Variants in FEZF1 observed in about 807,000 individuals in gnomAD.
FEZF1 encodes fez family zinc finger protein 1.
A neutral mutation model predicts 32.4 loss-of-function variants in FEZF1; 8 were observed. The ratio of observed to expected loss-of-function variants is 0.25; its 90% confidence interval spans 0.15 to 0.45. The LOEUF is 0.45. Ranked by LOEUF, FEZF1 falls within the 20% of genes least tolerant of loss-of-function variation. FEZF1 has a pLI of 1.00. For synonymous variants in FEZF1, 259 were observed against 265.2 expected, an observed-to-expected ratio of 0.98 and a Z score of 0.23; for missense variants, 546 against 622.3, an observed-to-expected ratio of 0.88 and a Z score of 1.31.
In FEZF1 at chr7:122,301,773, A is replaced by T; in HGVS notation, c.*224T>A. On this transcript the variant is annotated 3_prime_UTR_variant, in exon 4 of 4. Coordinates refer to ENST00000442488, the MANE Select transcript of FEZF1 (RefSeq NM_001024613.4). ...ACAGAAAACAAGCAAAACCCTCCAA[A>T]TTTTTCATAATTGTTAGTGCCTATA... 1 of 450,168 alleles carries T rather than the reference A, an allele frequency of 2.2e-6. No homozygotes were observed. The highest frequency in any genetic ancestry group is 3.7e-6 in the Non-Finnish European group (1 of 266,910). 27.9% of individuals were successfully genotyped at this position (450,168 alleles called of 1,614,324 possible).
intron 1 of FEZF1, 137 bp downstream of exon 1, chr7:122,303,500 A>C: frequency 2.1e-6 from 1 of 475,936 alleles, no homozygotes. Flanking sequence ...GAAGGAAGGA[A>C]GGAAGGAAGG....
rs2031213067 is a variant in FEZF1 at position 122,304,664 on chromosome 7, T to C, written c.-227A>G. 2 of 441,094 alleles carry C rather than the reference T, an allele frequency of 4.5e-6. No individual in the cohort carries two copies. Among genetic ancestry groups the C allele is most frequent in the Non-Finnish European group, 8.2e-6 (2 of 242,992 alleles). 27.3% of individuals were successfully genotyped at this position (441,094 alleles called of 1,614,324 possible). On this transcript the variant is annotated 5_prime_UTR_variant, in exon 1 of 4. Coordinates refer to ENST00000442488, the MANE Select transcript of FEZF1 (RefSeq NM_001024613.4). ...GCACCAATGACTCGGGGACAATCAC[T>C]ACTTATTTCTATCAATAGAAAGTGT... is the stretch of plus-strand genomic sequence containing the variant.
At chr7:122,303,588 A>AGGAC (rs752212523) in intron 1 of FEZF1, 49 bp downstream of exon 1, 5 of 1,057,824 alleles carry the variant, frequency 4.7e-6, no homozygotes, top group Non-Finnish European at 5.6e-6. Flanking sequence ...GAAGGAAGGA[A>AGGAC]GGAAGGAAGG....
chr7:122,303,576 G>GGGAAGGAA (rs533231026), intron 1 of FEZF1, 61 bp downstream of exon 1: 20 of 1,057,288 alleles, frequency 1.9e-5, no homozygotes, highest in Admixed American at 5.9e-5. Flanking sequence ...GAGGGAGGGA[G>GGGAAGGAA]GGAAGGAAGG....
In FEZF1 at chr7:122,302,246, G is replaced by C. The variant is rs749621589; in HGVS notation, c.1179C>G (p.Thr393=). 39 of 1,614,042 alleles carry C rather than the reference G, an allele frequency of 2.4e-5. No individual in the cohort carries two copies. The East Asian group carries it at 8.5e-4, about 35-fold the overall frequency. The change falls in exon 4 of 4, where the codon ACC becomes ACG. Residue 393 remains threonine (T), a synonymous_variant. Coordinates refer to ENST00000442488, the MANE Select transcript of FEZF1 (RefSeq NM_001024613.4). The surrounding 1 kb of genome is among the most constrained non-coding windows in gnomAD (Gnocchi z 4.4). ...QVYNLTFHMH[T]HNDKKPFTCP... is the part of the protein sequence containing the mutation. ...AGGTGAAAGGCTTCTTGTCGTTGTG[G>C]GTGTGCATGTGGAAGGTGAGGTTGT...
At position 122,302,313 on chromosome 7, in the gene FEZF1, T is replaced by C. The variant is rs759035115; in HGVS notation, c.1112A>G (p.Gln371Arg). 2 of 1,614,122 alleles carry C rather than the reference T, an allele frequency of 1.2e-6. No individual in the cohort carries two copies. Among genetic ancestry groups the C allele is most frequent in the Non-Finnish European group, 1.7e-6 (2 of 1,180,024 alleles). The stretch of plus-strand genomic sequence containing the variant: ...CTTGTTGCAGATATTGCACTTGAAC[T>C]GCTTCTCCCCGCTGTGGGTCAACTT... ...NHKLTHSGEKQFKCNICNKAF... is the reference protein window; with the variant it reads ...NHKLTHSGEKRFKCNICNKAF... Residue 371 changes from glutamine to arginine, a missense_variant, in exon 4 of 4, where the codon CAG becomes CGG. Gln to Arg is a conservative substitution (Grantham distance 43). Transcript: ENST00000442488. This position sits in a 1 kb window ranked among gnomAD's most constrained non-coding sequence, Gnocchi z 4.4.
At chr7:122,303,396 A>G (rs995581422) in intron 1 of FEZF1, 85 bp from the exon 2 acceptor site, 1 of 1,520,352 alleles carries the variant, frequency 6.6e-7, no homozygotes, top group African/African-American at 1.4e-5. Context: ...GGAGGAAGAG[A>G]ATCTTAACAA....
intron 1 of FEZF1, 109 bp downstream of exon 1, chr7:122,303,528 A>AGGGAGGGAG (rs2031133065): frequency 6.0e-6 from 2 of 333,588 alleles, no homozygotes; most frequent in Non-Finnish European, 1.1e-5. Context: ...GAAGGAAGGA[A>AGGGAGGGAG]GGAAGGAAGG....
chr7:122,302,040 G>A lies in FEZF1; in HGVS notation c.1385C>T (p.Thr462Ile), dbSNP rs1334661719. Residue 462 changes from threonine (T) to isoleucine (I), a missense_variant, in exon 4 of 4, where the codon ACC becomes ATC. By Grantham distance (89) the Thr-to-Ile change is moderately conservative. Around this residue, in one of 3 missense-constraint regions of FEZF1, gnomAD observed 83 missense variants for 73.0 expected, o/e 1.14. Coordinates refer to ENST00000442488, the MANE Select transcript of FEZF1 (RefSeq NM_001024613.4). This position sits in a 1 kb window ranked among gnomAD's most constrained non-coding sequence, Gnocchi z 4.4. ...TLPPLQPPLP[T>I]PGPLQPGLHQ... ...GAGCCCGGGCTGCAGGGGCCCCGGG[G>A]TTGGCAGCGGCGGCTGCAGAGGAGG... 7 of 1,602,132 alleles carry A rather than the reference G, an allele frequency of 4.4e-6. No individual in the cohort carries two copies. In the African/African-American group the frequency reaches 8.0e-5, roughly 18 times the overall value.
Position 122,302,910 on chromosome 7 carries a change from G to T in FEZF1, c.958C>A (p.Gln320Lys), listed in dbSNP as rs1336656398. 1 of 1,610,786 alleles carries T rather than the reference G, an allele frequency of 6.2e-7. No individual in the cohort carries two copies. The highest frequency in any genetic ancestry group is 8.5e-7 in the Non-Finnish European group (1 of 1,178,384). The change falls in exon 3 of 4, where the codon CAG becomes AAG. Residue 320 changes from glutamine to lysine, a missense_variant. Transcript: ENST00000442488. This position sits in a 1 kb window ranked among gnomAD's most constrained non-coding sequence, Gnocchi z 4.4. ...HTQEKPHKCN[Q>K]CGKAFNRSST... The stretch of plus-strand genomic sequence containing the variant: ...CTTCTATTAAATGCTTTGCCACACT[G>T]GTTACATTTGTGAGGTTTTTCCTAA...
At chr7:122,310,552 T>C (rs2031395832) in exon 1 of FEZF1, 1 of 152,218 alleles carries the variant, frequency 6.6e-6, no homozygotes, top group Non-Finnish European at 1.5e-5. Context: ...GAAACTTAGC[T>C]CGAGAAGCTT....
At position 122,303,096 on chromosome 7, in the gene FEZF1, C is replaced by T. The variant is rs999366833; in HGVS notation, c.936+81G>A. The T allele has an allele frequency of 4.4e-6, 7 of 1,594,250 alleles. No homozygotes were observed. The East Asian group carries it at 1.6e-4, about 36-fold the overall frequency. On this transcript the variant is annotated intron_variant, in intron 2 of 3. Transcript: ENST00000442488. The stretch of plus-strand genomic sequence containing the variant: ...TAGCACTTTTTAAATGAACGTTATC[C>T]TAAAGAGTAAGGTTTTATCGGCTGT...
Position 122,304,598 on chromosome 7 carries a change from A to C in FEZF1, c.-161T>G. ...CATCACCAGCCGAACCTGCCTGCCC[A>C]GCCCAATGGACTCCTGCCAGCCCAT... On this transcript the variant is annotated 5_prime_UTR_variant, in exon 1 of 4. Coordinates refer to ENST00000442488, the MANE Select transcript of FEZF1 (RefSeq NM_001024613.4). 3.8e-6 allele frequency: 2 copies of C among 521,460 alleles called. No individual in the cohort carries two copies. Among genetic ancestry groups the C allele is most frequent in the Non-Finnish European group, 6.7e-6 (2 of 297,860 alleles). The allele number at this position is 521,460 out of a possible 1,614,324, so 32.3% of individuals were successfully genotyped here. A position where few individuals can be genotyped will look rare whatever the true frequency, so the allele number is the denominator to read the frequency against.
In FEZF1 at chr7:122,303,647, A is replaced by G. The variant is rs1317324942; in HGVS notation, c.791T>C (p.Val264Ala). Residue 264 changes from valine (V) to alanine (A), a missense_variant, in exon 1 of 4, where the codon GTG becomes GCG. Val to Ala is a moderately conservative substitution (Grantham distance 64). Coordinates refer to ENST00000442488, the MANE Select transcript of FEZF1 (RefSeq NM_001024613.4). ...NAKPKVFTCE[V>A]CGKVFNAHYN... is the part of the protein sequence containing the mutation. The stretch of plus-strand genomic sequence containing the variant: ...TTGCATTGTACTTGCCTTTCCACAC[A>G]CTTCGCAAGTGAAAACTTTGGGCTT... The G allele has an allele frequency of 6.2e-7, 1 of 1,613,728 alleles. No homozygotes were observed. Among genetic ancestry groups the G allele is most frequent in the East Asian group, 2.2e-5 (1 of 44,844 alleles).
chr7:122,303,952 G>A lies in FEZF1; in HGVS notation c.486C>T (p.Tyr162=), dbSNP rs753860361. ...GGCATGGGCCGTCACCTCGGTTCAGGTAGCACAAGGCGCCCATGGCGTGGA... is the reference window on the plus strand; with the variant it reads ...GGCATGGGCCGTCACCTCGGTTCAGATAGCACAAGGCGCCCATGGCGTGGA... ...SSFHAMGALC[Y]LNRGDGPCHP... is the part of the protein sequence containing the mutation. The change falls in exon 1 of 4, where the codon TAC becomes TAT. Residue 162 remains tyrosine, a synonymous_variant. Coordinates refer to ENST00000442488, the MANE Select transcript of FEZF1 (RefSeq NM_001024613.4). 1.2e-6 allele frequency: 2 copies of A among 1,602,464 alleles called. No homozygotes were observed. Among genetic ancestry groups the A allele is most frequent in the South Asian group, 1.1e-5 (1 of 89,882 alleles).
upstream of FEZF1, among the ~76,000 whole-genome samples, chr7:122,308,321 A>G (rs2031339147): frequency 6.6e-6 from 1 of 152,134 alleles, no homozygotes; most frequent in African/African-American, 2.4e-5. Flanking sequence ...TGATATAAAG[A>G]GGCCAGATAA....
Position 122,303,770 on chromosome 7 carries a change from T to C in FEZF1, c.668A>G (p.Gln223Arg). ...TTTCATGTAATGCTGCAGCTGAGCC[T>C]GGGACAGGTCTTTGAAAGCTACTCC... ...PSGVAFKDLS[Q>R]AQLQHYMKES... The change falls in exon 1 of 4, where the codon CAG becomes CGG. Residue 223 changes from glutamine (Q) to arginine (R), a missense_variant. Transcript: ENST00000442488. 1 of 1,614,204 alleles carries C rather than the reference T, an allele frequency of 6.2e-7. No individual in the cohort carries two copies. The highest frequency in any genetic ancestry group is 1.3e-5 in the African/African-American group (1 of 75,052).
chr7:122,302,234 C>T lies in FEZF1; in HGVS notation c.1191G>A (p.Lys397=). ...LTFHMHTHND[K]KPFTCPTCGK... ...CGCACGTGGGGCAGGTGAAAGGCTT[C>T]TTGTCGTTGTGGGTGTGCATGTGGA... The change falls in exon 4 of 4, where the codon AAG becomes AAA. Residue 397 remains lysine (K), a synonymous_variant. Transcript: ENST00000442488. This position sits in a 1 kb window ranked among gnomAD's most constrained non-coding sequence, Gnocchi z 4.4. 1 of 1,614,204 alleles carries T rather than the reference C, an allele frequency of 6.2e-7. No homozygotes were observed. The highest frequency in any genetic ancestry group is 8.5e-7 in the Non-Finnish European group (1 of 1,180,040).
chr7:122,303,370 G>A, intron 1 of FEZF1, 59 bp from the exon 2 acceptor site: 3 of 1,597,160 alleles, frequency 1.9e-6, no homozygotes, highest in South Asian at 1.1e-5. Context: ...AAATCAAACC[G>A]GGCAGAGAGA....
Sources: allele counts gnomAD v4.1 joint callset (sites outside exome capture counted in the v4.1 genomes callset), GRCh38; gene constraint gnomAD v4.1.1; regional missense constraint gnomAD v4.1.1; non-coding constraint Gnocchi (gnomAD v3.1); transcripts MANE v1.5; gene names NCBI Gene and HGNC (gene_info 2026-07-23, HGNC 2026-07-21).